NPHP3: variants seen among roughly 807,000 people sequenced by gnomAD.
NPHP3 encodes the protein nephrocystin 3.
NPHP3 carries 123 observed loss-of-function variants against 171.9 expected under a neutral mutation model. That is an observed-to-expected ratio of 0.72 (90% CI 0.62 to 0.83). The LOEUF is 0.83. NPHP3 is among the 40% of genes least tolerant of loss of function. The probability of loss-of-function intolerance (pLI) is 0.00; values close to 1 mark genes in which losing one functional copy is unlikely to be tolerated. For missense variants in NPHP3, 1,506 were observed against 1,591.9 expected (o/e 0.95, Z 0.92); for synonymous variants, 558 against 579.2 (o/e 0.96, Z 0.52).
chr3:132,684,435 T>G (rs763724691), intron 24 of NPHP3, 119 bp downstream of exon 24: 1 of 953,422 alleles, frequency 1.0e-6, no homozygotes, highest in African/African-American at 1.6e-5. Context: ...AGTTAAATCA[T>G]GATTTTTAAA....
At chr3:132,701,745 G>A (rs1939611910) in intron 9 of NPHP3, among the ~76,000 whole-genome samples, 1 of 152,212 alleles carries the variant, frequency 6.6e-6, no homozygotes, top group African/African-American at 2.4e-5. Context: ...TCAAATGGCT[G>A]GGCGCGGTGG....
At chr3:132,702,383 T>C (rs1939635762) in intron 9 of NPHP3, among the ~76,000 whole-genome samples, 1 of 152,240 alleles carries the variant, frequency 6.6e-6, no homozygotes, top group Non-Finnish European at 1.5e-5. Flanking sequence ...CTAGGCTGCC[T>C]GAGATCTTTT....
At position 132,684,779 on chromosome 3, in the gene NPHP3, A is replaced by G. The variant is rs779277277; in HGVS notation, c.3345T>C (p.Phe1115=). The G allele has an allele frequency of 6.2e-7, 1 of 1,613,536 alleles. No individual in the cohort carries two copies. The highest frequency in any genetic ancestry group is 1.1e-5 in the South Asian group (1 of 91,082). The change falls in exon 24 of 27, where the codon TTT becomes TTC. Residue 1115 remains phenylalanine, a synonymous_variant. Coordinates refer to ENST00000337331, the MANE Select transcript of NPHP3 (RefSeq NM_153240.5). ...CCCTCATTTCTAAGGAACGCTTCAGAAACTGGTCAGCTGTTCTGTGAACAC... is the reference window on the plus strand; with the variant it reads ...CCCTCATTTCTAAGGAACGCTTCAGGAACTGGTCAGCTGTTCTGTGAACAC... The part of the protein sequence containing the change: ...LQNNLETADQ[F]LKRSLEMRER...
intron 17 of NPHP3, among the ~76,000 whole-genome samples, chr3:132,691,499 A>C (rs1234994821): frequency 6.6e-6 from 1 of 152,210 alleles, no homozygotes; most frequent in African/African-American, 2.4e-5. Flanking sequence ...CTCAAAACAC[A>C]ATTTAATTCA....
intron 21 of NPHP3, among the ~76,000 whole-genome samples, chr3:132,688,303 A>G (rs748118158): frequency 7.2e-5 from 11 of 152,230 alleles, no homozygotes; most frequent in Non-Finnish European, 1.3e-4. Context: ...CTCATTATAT[A>G]TATGCAAATA....
intron 7 of NPHP3, among the ~76,000 whole-genome samples, chr3:132,706,358 CAA>C (rs1314333911): frequency 1.0e-5 from 1 of 96,924 alleles, no homozygotes; most frequent in Non-Finnish European, 2.1e-5. Context: ...GACTCTGTCT[CAA>C]AAAAAAAAAC....
intron 6 of NPHP3, 30 bp from the exon 7 acceptor site, chr3:132,708,287 A>G: frequency 6.2e-7 from 1 of 1,608,060 alleles, no homozygotes; most frequent in Middle Eastern, 1.9e-4. Flanking sequence ...TTTGTGTGCT[A>G]TACTGCATTG....
chr3:132,682,155 T>C, intron 26 of NPHP3, 65 bp from the exon 27 acceptor site: 2 of 1,413,750 alleles, frequency 1.4e-6, no homozygotes, highest in Non-Finnish European at 2.0e-6. Context: ...CAAAATGACC[T>C]TATGGGATAC....
chr3:132,686,689 C>T (rs1351357746), intron 22 of NPHP3, among the ~76,000 whole-genome samples: 1 of 151,934 alleles, frequency 6.6e-6, no homozygotes, highest in East Asian at 1.9e-4. Flanking sequence ...TTTATCAACC[C>T]CATAGGTAAA....
Position 132,692,742 on chromosome 3 carries a change from C to A in NPHP3, c.2387G>T (p.Trp796Leu). ...ELMELYPEMS[W>L]TFLTSLIHSL... The stretch of plus-strand genomic sequence containing the variant: ...GTGAATAAGGGAGGTCAAGAAAGTC[C>A]AGGACATCTCAGGATAGAGTTCCAT... Residue 796 changes from tryptophan (W) to leucine (L), a missense_variant, in exon 17 of 27, where the codon TGG (tryptophan) becomes TTG (leucine). Around this residue, in one of 3 missense-constraint regions of NPHP3, gnomAD observed 569 missense variants for 648.1 expected, o/e 0.88. Transcript: ENST00000337331. 6.2e-7 allele frequency: 1 copy of A among 1,613,904 alleles called. No homozygotes were observed.
Position 132,683,387 on chromosome 3 carries a change from A to G in NPHP3, c.3696+12T>C. The stretch of plus-strand genomic sequence containing the variant: ...TCATTCACTGATACAACGTTAAAAT[A>G]TGGGAACTTACCATTTGGCTATAAA... On this transcript the variant is annotated intron_variant, in intron 25 of 26. Coordinates refer to ENST00000337331, the MANE Select transcript of NPHP3 (RefSeq NM_153240.5). 1 of 1,611,462 alleles carries G rather than the reference A, an allele frequency of 6.2e-7. No homozygotes were observed. Among genetic ancestry groups the G allele is most frequent in the African/African-American group, 1.3e-5 (1 of 74,990 alleles).
chr3:132,683,504 T>TAC lies in NPHP3; in HGVS notation c.3589_3590dup (p.Pro1198TyrfsTer22). ...TTTCAACAGCCAATTCATACAAAGG[T>TAC]ACAGCTTTGTCAAGTTTCCCCTAAA... On this transcript the variant is annotated frameshift_variant, in exon 25 of 27. Coordinates refer to ENST00000337331, the MANE Select transcript of NPHP3 (RefSeq NM_153240.5). LOFTEE classifies it high-confidence loss of function. 1.2e-6 allele frequency: 2 copies of TAC among 1,612,954 alleles called. No individual in the cohort carries two copies. Among genetic ancestry groups the TAC allele is most frequent in the Non-Finnish European group, 1.7e-6 (2 of 1,179,208 alleles).
At chr3:132,712,751 G>GC (rs1322851815) in intron 6 of NPHP3, among the ~76,000 whole-genome samples, 2 of 151,310 alleles carry the variant, frequency 1.3e-5, no homozygotes, top group African/African-American at 4.9e-5. Context: ...GGACGACAGA[G>GC]CAAGACTCTG....
At chr3:132,714,504 T>C (rs1299244170) in intron 5 of NPHP3, among the ~76,000 whole-genome samples, 1 of 150,352 alleles carries the variant, frequency 6.7e-6, no homozygotes, top group African/African-American at 2.5e-5. Context: ...GAATATGCAA[T>C]GAAAAATTCA....
chr3:132,688,759 G>A lies in NPHP3; in HGVS notation c.3016C>T (p.Gln1006Ter). Reference sequence around the variant, plus strand: ...ATTTCCAACGCCTGTTTATACAGTTGTTCTGCATTGCCAAACTTCTTCCAC... The same window carrying A: ...ATTTCCAACGCCTGTTTATACAGTTATTCTGCATTGCCAAACTTCTTCCAC... ...VQWKKFGNAE[Q>*]LYKQALEISE... The change falls in exon 21 of 27, where the codon CAA (glutamine) becomes TAA (stop). Residue 1006 changes from glutamine (Q) to a stop codon, truncating the protein, a stop_gained. Coordinates refer to ENST00000337331, the MANE Select transcript of NPHP3 (RefSeq NM_153240.5). LOFTEE classifies it high-confidence loss of function. 6.2e-7 allele frequency: 1 copy of A among 1,614,072 alleles called. No homozygotes were observed. Among genetic ancestry groups the A allele is most frequent in the Non-Finnish European group, 8.5e-7 (1 of 1,179,990 alleles).
At chr3:132,712,367 T>A (rs563965272) in intron 6 of NPHP3, 1 of 453,728 alleles carries the variant, frequency 2.2e-6, no homozygotes, top group African/African-American at 2.0e-5. Flanking sequence ...GGTTATCAAC[T>A]TTTTCTGTAA....
intron 15 of NPHP3, among the ~76,000 whole-genome samples, chr3:132,695,429 A>C (rs2107975297): frequency 6.6e-6 from 1 of 152,344 alleles, no homozygotes; most frequent in African/African-American, 2.4e-5. Flanking sequence ...GTTTTTAAAA[A>C]TAATATAAAG....
intron 25 of NPHP3, 76 bp downstream of exon 25, chr3:132,683,323 C>T: frequency 7.9e-7 from 1 of 1,259,670 alleles, no homozygotes; most frequent in Non-Finnish European, 1.2e-6. Context: ...TTAGTGTTCC[C>T]TATCTAATTC....
At chr3:132,694,162 A>G (rs1437790992) in intron 16 of NPHP3, among the ~76,000 whole-genome samples, 2 of 152,100 alleles carry the variant, frequency 1.3e-5, no homozygotes, top group Non-Finnish European at 1.5e-5. Flanking sequence ...TTTATTTGTG[A>G]GCTTGATATT....
Sources: gnomAD v4.1 joint callset for allele counts (sites outside exome capture counted in the v4.1 genomes callset) on GRCh38, gnomAD v4.1.1 for gene constraint, gnomAD v4.1.1 regional missense constraint, MANE v1.5 for transcripts, NCBI Gene and HGNC (gene_info 2026-07-23, HGNC 2026-07-21) for gene names.